Variants in C2orf80 observed in about 807,000 individuals in gnomAD.
The protein encoded by C2orf80 is uncharacterized protein C2orf80.
A neutral mutation model predicts 30.2 loss-of-function variants in C2orf80; 28 were observed. The ratio of observed to expected loss-of-function variants is 0.93; its 90% confidence interval spans 0.69 to 1.27. C2orf80 has a LOEUF of 1.27. Among genes scored for constraint, C2orf80 ranks in the 50% most tolerant of loss-of-function variants. The pLI, the probability that C2orf80 is intolerant of heterozygous loss-of-function variation, is 0.00. For synonymous variants in C2orf80, 80 were observed against 76.4 expected (o/e 1.05, Z -0.24); for missense variants, 220 against 231.0 (o/e 0.95, Z 0.31).
intron 7 of C2orf80, among the ~76,000 whole-genome samples, chr2:208,171,617 G>T (rs145581284): frequency 6.6e-6 from 1 of 151,958 alleles, no homozygotes; most frequent in East Asian, 1.9e-4. Context: ...CACTGTGCCC[G>T]GCTTATTTTT....
chr2:208,185,723 G>A (rs6710543), intron 2 of C2orf80, among the ~76,000 whole-genome samples: 21,611 of 152,160 alleles, frequency 0.14, 1,694 homozygotes, highest in South Asian at 0.21. Context: ...ATAAGGTGGA[G>A]AATAAGTTTA....
intron 6 of C2orf80, among the ~76,000 whole-genome samples, chr2:208,176,989 A>ACAGATCTGTATACATC (rs1559340729): frequency 1.4e-5 from 1 of 73,564 alleles, no homozygotes; most frequent in Non-Finnish European, 2.9e-5. Flanking sequence ...AGAAATGTAT[A>ACAGATCTGTATACATC]TGTATACATA....
chr2:208,188,415 G>A (rs1431552552), intron 1 of C2orf80, among the ~76,000 whole-genome samples: 1 of 151,590 alleles, frequency 6.6e-6, no homozygotes, highest in African/African-American at 2.4e-5. Flanking sequence ...TGATCTAAAT[G>A]AATGCTTCCC....
At chr2:208,167,213 TA>T (rs977308621) in intron 8 of C2orf80, among the ~76,000 whole-genome samples, 8 of 151,344 alleles carry the variant, frequency 5.3e-5, no homozygotes, top group South Asian at 2.1e-4. Context: ...CAATGCAATT[TA>T]AAAAAAAAAT....
Position 208,165,566 on chromosome 2 carries a change from C to A in C2orf80, c.*241G>T. The A allele has an allele frequency of 2.2e-6, 1 of 455,334 alleles. No individual in the cohort carries two copies. The highest frequency in any genetic ancestry group is 3.4e-5 in the South Asian group (1 of 29,786). 28.2% of individuals were successfully genotyped at this position (455,334 alleles called of 1,614,324 possible). Reference sequence around the variant, plus strand: ...AATACTATATACTTTCTGAATTCTCCAGCAGTCTTCCAGTCACAATGAAGT... The same window carrying A: ...AATACTATATACTTTCTGAATTCTCAAGCAGTCTTCCAGTCACAATGAAGT... On this transcript the variant is annotated 3_prime_UTR_variant, in exon 9 of 9. Transcript: ENST00000341287.
rs1209755563 is a variant in C2orf80, at chr2:208,177,007, A to ATCTG, written c.366+3737_366+3738insCAGA. 1.7e-3 allele frequency among the ~76,000 whole-genome samples: 95 copies of ATCTG among 56,706 alleles called. 5 individuals are homozygous for ATCTG. Among genetic ancestry groups the ATCTG allele is most frequent in the East Asian group, 3.0e-3 (1 of 328 alleles). The allele number at this position is 56,706 out of a possible 152,430, so 37.2% of individuals were successfully genotyped here. The stretch of plus-strand genomic sequence containing the variant: ...AATGTATATGTATACATATATACAT[A>ATCTG]TATACAGATACATATATACAGATAT... On this transcript the variant is annotated intron_variant, in intron 6 of 8. Coordinates refer to ENST00000341287, the MANE Select transcript of C2orf80 (RefSeq NM_001099334.3).
chr2:208,175,882 T>C (rs947818495), intron 6 of C2orf80, among the ~76,000 whole-genome samples: 3 of 152,154 alleles, frequency 2.0e-5, no homozygotes, highest in Non-Finnish European at 2.9e-5. Context: ...ATTCAAAATG[T>C]GGCAAAAGTC....
intron 6 of C2orf80, among the ~76,000 whole-genome samples, chr2:208,176,949 A>ACG (rs1696346506): frequency 9.3e-6 from 1 of 107,986 alleles, no homozygotes; most frequent in African/African-American, 3.5e-5. Context: ...ATCTGTATAC[A>ACG]TATCTGTATA....
intron 4 of C2orf80, among the ~76,000 whole-genome samples, chr2:208,182,493 C>T (rs548620241): frequency 6.6e-6 from 1 of 152,308 alleles, no homozygotes; most frequent in Admixed American, 6.5e-5. Context: ...GCAACCTCTG[C>T]CTCCTGGGTT....
intron 2 of C2orf80, 39 bp from the exon 3 acceptor site, chr2:208,185,071 C>T: frequency 6.6e-7 from 1 of 1,519,560 alleles, no homozygotes; most frequent in Non-Finnish European, 9.1e-7. Context: ...ATTGGAGTGA[C>T]ACGGGCTCAG....
chr2:208,183,694 G>T (rs1204245853), intron 3 of C2orf80, among the ~76,000 whole-genome samples: 3 of 152,150 alleles, frequency 2.0e-5, no homozygotes, highest in Non-Finnish European at 4.4e-5. Context: ...AGATGGGGAA[G>T]GAAATCACAG....
At chr2:208,174,378 C>G (rs1372182686) in intron 6 of C2orf80, among the ~76,000 whole-genome samples, 2 of 152,160 alleles carry the variant, frequency 1.3e-5, no homozygotes, top group African/African-American at 4.8e-5. Context: ...AGAGAAGATG[C>G]TTGGCAAATT....
chr2:208,177,597 TA>T (rs984230574), intron 6 of C2orf80, among the ~76,000 whole-genome samples: 14 of 151,658 alleles, frequency 9.2e-5, no homozygotes, highest in Non-Finnish European at 1.9e-4. Context: ...TACAAGCCTT[TA>T]AAAAAAAGTC....
intron 1 of C2orf80, among the ~76,000 whole-genome samples, chr2:208,187,367 C>T (rs1377490878): frequency 6.6e-6 from 1 of 152,114 alleles, no homozygotes; most frequent in Non-Finnish European, 1.5e-5. Context: ...GCAGAACCAT[C>T]CAAACTAGAT....
Position 208,189,958 on chromosome 2 carries a change from G to T in C2orf80, c.-81C>A. The T allele has an allele frequency of 1.4e-6, 1 of 702,894 alleles. No homozygotes were observed. The highest frequency in any genetic ancestry group is 2.6e-6 in the Non-Finnish European group (1 of 384,962). The allele number at this position is 702,894 out of a possible 1,614,324, so 43.5% of individuals were successfully genotyped here. A position where few individuals can be genotyped will look rare whatever the true frequency, so the allele number is the denominator to read the frequency against. On this transcript the variant is annotated 5_prime_UTR_variant, in exon 1 of 9. Coordinates refer to ENST00000341287, the MANE Select transcript of C2orf80 (RefSeq NM_001099334.3). ...CCCCTTTGAGAATCGCTCACCAACC[G>T]GAGACCGGTTCCAGTGCTTTTGTTC...
intron 8 of C2orf80, among the ~76,000 whole-genome samples, 197 bp downstream of exon 8, chr2:208,170,748 T>G (rs1696071923): frequency 6.6e-6 from 1 of 152,214 alleles, no homozygotes; most frequent in African/African-American, 2.4e-5. Flanking sequence ...TCATTATTCT[T>G]CCATTTTGCA....
chr2:208,189,947 G>A lies in C2orf80; in HGVS notation c.-76+6C>T, dbSNP rs115273860. ...CTTAACAAATTCCCCTTTGAGAATC[G>A]CTCACCAACCGGAGACCGGTTCCAG... On this transcript the variant is annotated splice_donor_region_variant and intron_variant, in intron 1 of 8. Transcript: ENST00000341287. 685 of 702,816 alleles carry A rather than the reference G, an allele frequency of 9.7e-4. 1 individual carries two copies. The African/African-American group carries it at 0.01, about 11-fold the overall frequency. The allele number at this position is 702,816 out of a possible 1,614,324, so 43.5% of individuals were successfully genotyped here. A position where few individuals can be genotyped will look rare whatever the true frequency, so the allele number is the denominator to read the frequency against.
intron 5 of C2orf80, 80 bp downstream of exon 5, chr2:208,181,137 TA>T: frequency 9.8e-7 from 1 of 1,023,454 alleles, no homozygotes. Flanking sequence ...GGTTGAAAAA[TA>T]ATGTAAATAT....
At chr2:208,181,440 A>ACG in intron 4 of C2orf80, 135 bp from the exon 5 acceptor site, 4 of 552,012 alleles carry the variant, frequency 7.2e-6, no homozygotes, top group Non-Finnish European at 1.3e-5. Context: ...TAAAATTGGT[A>ACG]TGATTGTTCC....
Sources: gnomAD v4.1 joint callset for allele counts (sites outside exome capture counted in the v4.1 genomes callset) on GRCh38, gnomAD v4.1.1 for gene constraint, MANE v1.5 for transcripts, NCBI Gene and HGNC (gene_info 2026-07-23, HGNC 2026-07-21) for gene names.